Variants in DHRSX observed in about 807,000 individuals in gnomAD.
The protein encoded by DHRSX is dehydrogenase/reductase X-linked.
In DHRSX, 31 loss-of-function variants were observed where a neutral mutation model predicts 34.0. The ratio of observed to expected loss-of-function variants is 0.91; its 90% confidence interval spans 0.69 to 1.23. The LOEUF (loss-of-function observed/expected upper bound fraction) is 1.23. Among genes scored for constraint, DHRSX ranks in the 50% most tolerant of loss-of-function variants. The probability of loss-of-function intolerance (pLI) is 0.00; values close to 1 mark genes in which losing one functional copy is unlikely to be tolerated. For missense variants in DHRSX, 414 were observed against 428.1 expected, an observed-to-expected ratio of 0.97 and a Z score of 0.29; for synonymous variants, 201 against 183.8, an observed-to-expected ratio of 1.09 and a Z score of -0.76.
intron 3 of DHRSX, among the ~76,000 whole-genome samples, chrX:2,310,727 A>G (rs1374810263): frequency 6.6e-6 from 1 of 151,858 alleles, no homozygotes; most frequent in Non-Finnish European, 1.5e-5. Flanking sequence ...ACAGAAATAG[A>G]AGCACAGAAA....
chrX:2,284,390 G>C (rs2041778592), intron 4 of DHRSX, among the ~76,000 whole-genome samples: 2 of 140,258 alleles, frequency 1.4e-5, no homozygotes, highest in Admixed American at 1.5e-4. Flanking sequence ...ATTCATTCAA[G>C]TGAATGAATG....
At chrX:2,295,678 G>A (rs976297069) in intron 3 of DHRSX, among the ~76,000 whole-genome samples, 12 of 152,256 alleles carry the variant, frequency 7.9e-5, no homozygotes, top group Middle Eastern at 3.4e-3. Context: ...CAGGCTGTTA[G>A]GACACGCTGC....
rs139116013 is a variant in DHRSX at position 2,427,680 on chromosome X, G to A, written c.110-2376C>T. Among the ~76,000 whole-genome samples the A allele has an allele frequency of 5.3e-3, 801 of 152,148 alleles. 3 individuals carry two copies. Among genetic ancestry groups the A allele is most frequent in the Non-Finnish European group, 9.2e-3 (623 of 67,998 alleles). On this transcript the variant is annotated intron_variant, in intron 1 of 6. Transcript: ENST00000334651. ...CTGGGGGCTGAGAAAATTCAAGGAG[G>A]GAATTTCCATGAATTCCCTTGAGAA... is the stretch of plus-strand genomic sequence containing the variant.
chrX:2,386,192 TTTATTTTG>T (rs1199731319), intron 3 of DHRSX, among the ~76,000 whole-genome samples: 181 of 132,510 alleles, frequency 1.4e-3, no homozygotes, highest in African/African-American at 4.8e-3. Context: ...TATTTATTTA[TTTATTTTG>T]TGTGTGAGAG....
chrX:2,347,331 G>C (rs139339774), intron 3 of DHRSX, among the ~76,000 whole-genome samples: 2,878 of 152,236 alleles, frequency 0.019, 89 homozygotes, highest in African/African-American at 0.065. Flanking sequence ...GAGAACAGCA[G>C]GGCAAAGACC....
At chrX:2,365,707 G>A (rs2042987340) in intron 3 of DHRSX, among the ~76,000 whole-genome samples, 2 of 152,030 alleles carry the variant, frequency 1.3e-5, no homozygotes, top group South Asian at 4.2e-4. Flanking sequence ...GATACCTATG[G>A]CTCCCAGGAT....
chrX:2,226,379 T>C (rs1253453979), intron 6 of DHRSX, among the ~76,000 whole-genome samples: 9 of 152,092 alleles, frequency 5.9e-5, no homozygotes, highest in African/African-American at 9.7e-5. Context: ...CACAGCTCTA[T>C]TGCAAACAGA....
At chrX:2,266,031 C>T (rs2041460661) in intron 5 of DHRSX, among the ~76,000 whole-genome samples, 1 of 143,796 alleles carries the variant, frequency 7.0e-6, no homozygotes, top group African/African-American at 2.7e-5. Context: ...GTTCCCAGAG[C>T]ACCAGTGTAC....
chrX:2,413,279 C>T, intron 2 of DHRSX, among the ~76,000 whole-genome samples: 1 of 152,134 alleles, frequency 6.6e-6, no homozygotes, highest in East Asian at 1.9e-4. Context: ...GTTCAAATGA[C>T]ACCAAATGTC....
At chrX:2,437,176 T>C (rs1017073075) in intron 1 of DHRSX, among the ~76,000 whole-genome samples, 2 of 152,058 alleles carry the variant, frequency 1.3e-5, no homozygotes, top group African/African-American at 4.8e-5. Flanking sequence ...TTTTTTTGCA[T>C]CTTTAGTAGA....
chrX:2,253,132 A>G (rs769729321), intron 5 of DHRSX, among the ~76,000 whole-genome samples: 1 of 151,988 alleles, frequency 6.6e-6, no homozygotes, highest in East Asian at 1.9e-4. Context: ...ACATGGCAGC[A>G]AGCCAAGATA....
At chrX:2,268,942 G>A (rs150669921) in intron 4 of DHRSX, among the ~76,000 whole-genome samples, 1 of 152,192 alleles carries the variant, frequency 6.6e-6, no homozygotes, top group Non-Finnish European at 1.5e-5. Flanking sequence ...CATTTGAGGT[G>A]TATGATTAAT....
intron 3 of DHRSX, among the ~76,000 whole-genome samples, chrX:2,354,499 T>C (rs181916694): frequency 4.1e-4 from 62 of 152,330 alleles, no homozygotes; most frequent in African/African-American, 1.5e-3. Flanking sequence ...TCTCGCTCTG[T>C]CAGCCAGGCT....
At chrX:2,231,439 TTC>T (rs376033595) in intron 6 of DHRSX, among the ~76,000 whole-genome samples, 1 of 151,536 alleles carries the variant, frequency 6.6e-6, no homozygotes, top group Non-Finnish European at 1.5e-5. Context: ...TTTTCTCTTT[TTC>T]TCTCTCTATT....
intron 4 of DHRSX, among the ~76,000 whole-genome samples, chrX:2,286,908 C>A (rs2041811053): frequency 6.6e-6 from 1 of 152,186 alleles, no homozygotes; most frequent in African/African-American, 2.4e-5. Flanking sequence ...TTCTCATTAT[C>A]ACCTCCTGGA....
intron 1 of DHRSX, among the ~76,000 whole-genome samples, chrX:2,449,154 A>G (rs111398376): frequency 2.0e-5 from 3 of 151,080 alleles, no homozygotes. Context: ...GCACCACTGC[A>G]CTCCAGCCTG....
At chrX:2,399,729 AAAAAAAAAAAAAAC>A (rs1475650804) in intron 3 of DHRSX, among the ~76,000 whole-genome samples, 1 of 133,150 alleles carries the variant, frequency 7.5e-6, no homozygotes, top group Admixed American at 7.5e-5. Flanking sequence ...AAAAAGCAAA[AAAAAAAAAAAAAAC>A]AAAAAAACAC....
intron 5 of DHRSX, among the ~76,000 whole-genome samples, chrX:2,249,323 G>A (rs1462186513): frequency 6.7e-6 from 1 of 148,392 alleles, no homozygotes; most frequent in African/African-American, 2.5e-5. Flanking sequence ...CTCCTGAGTA[G>A]CTGGGACTAC....
chrX:2,441,475 T>G (rs1010457205), intron 1 of DHRSX, among the ~76,000 whole-genome samples: 7 of 151,820 alleles, frequency 4.6e-5, no homozygotes, highest in African/African-American at 9.7e-5. Context: ...AGGATATATA[T>G]ATAGAGAGAA....
Sources: gnomAD v4.1 joint callset for allele counts (sites outside exome capture counted in the v4.1 genomes callset) on GRCh38, gnomAD v4.1.1 for gene constraint, MANE v1.5 for transcripts, NCBI Gene and HGNC (gene_info 2026-07-23, HGNC 2026-07-21) for gene names.